SOX6: variants seen among roughly 807,000 people sequenced by gnomAD.
SOX6 encodes the protein transcription factor SOX-6.
A neutral mutation model predicts 97.8 loss-of-function variants in SOX6; 11 were observed. The ratio of observed to expected loss-of-function variants is 0.11; its 90% CI spans 0.07 to 0.19. The LOEUF (loss-of-function observed/expected upper bound fraction) is 0.19. Among genes scored for constraint, SOX6 ranks in the 10% least tolerant of loss-of-function variants. The pLI, the probability that SOX6 is intolerant of heterozygous loss-of-function variation, is 1.00. For synonymous variants in SOX6, 360 were observed against 371.4 expected (o/e 0.97, Z 0.35); for missense variants, 810 against 1,039.5 (o/e 0.78, Z 3.04).
At chr11:16,221,306 C>T (rs1403564828) in intron 4 of SOX6, among the ~76,000 whole-genome samples, 1 of 151,902 alleles carries the variant, frequency 6.6e-6, no homozygotes, top group Non-Finnish European at 1.5e-5. Context: ...TGTAATAAAA[C>T]AAGTAAATAA....
intron 4 of SOX6, among the ~76,000 whole-genome samples, chr11:16,566,071 A>G (rs564267717): frequency 2.8e-4 from 40 of 144,990 alleles, no homozygotes; most frequent in Non-Finnish European, 5.0e-4. Context: ...ACTCCAGCCT[A>G]GGTGACAGAG....
chr11:16,236,422 G>A (rs1853024626), intron 3 of SOX6, among the ~76,000 whole-genome samples: 1 of 151,910 alleles, frequency 6.6e-6, no homozygotes, highest in Admixed American at 6.6e-5. Flanking sequence ...CTCAAATCAG[G>A]TTTGAATTTC....
chr11:16,433,965 T>G (rs973494349), intron 1 of SOX6, among the ~76,000 whole-genome samples: 1 of 152,130 alleles, frequency 6.6e-6, no homozygotes, highest in African/African-American at 2.4e-5. Context: ...CCTTCAGGAT[T>G]TTAACCATAT....
chr11:16,077,134 A>G (rs1848374531), intron 9 of SOX6, among the ~76,000 whole-genome samples: 1 of 152,180 alleles, frequency 6.6e-6, no homozygotes, highest in African/African-American at 2.4e-5. Flanking sequence ...ATCCACCACT[A>G]TGATCAAATC....
intron 4 of SOX6, among the ~76,000 whole-genome samples, chr11:16,593,434 T>A (rs1373025739): frequency 6.6e-6 from 1 of 152,142 alleles, no homozygotes; most frequent in Non-Finnish European, 1.5e-5. Context: ...CTAGACTATG[T>A]CTTTGGCCTT....
chr11:16,153,804 T>G (rs1027022861), intron 6 of SOX6, among the ~76,000 whole-genome samples: 1 of 151,998 alleles, frequency 6.6e-6, no homozygotes, highest in African/African-American at 2.4e-5. Context: ...ACACTATTGA[T>G]AAAATACTGA....
intron 1 of SOX6, among the ~76,000 whole-genome samples, chr11:16,404,170 T>A (rs1858628822): frequency 6.6e-6 from 1 of 151,884 alleles, no homozygotes; most frequent in Non-Finnish European, 1.5e-5. Context: ...GGTGAGGGTC[T>A]GTTTGTTTTT....
At chr11:16,403,923 C>T (rs1187955560) in intron 1 of SOX6, among the ~76,000 whole-genome samples, 15 of 151,188 alleles carry the variant, frequency 9.9e-5, no homozygotes, top group African/African-American at 1.5e-4. Context: ...AACAAGAAAC[C>T]CAAAGGTTTC....
chr11:16,459,275 C>T (rs1460052084), intron 1 of SOX6, among the ~76,000 whole-genome samples: 2 of 151,988 alleles, frequency 1.3e-5, no homozygotes, highest in Non-Finnish European at 2.9e-5. Flanking sequence ...AGCTTAAAAG[C>T]AAGCACTGAA....
chr11:16,383,207 C>T lies in SOX6; in HGVS notation c.-4-41955G>A, dbSNP rs150793297. Among the ~76,000 whole-genome samples, 10 of 151,984 alleles carry T rather than the reference C, an allele frequency of 6.6e-5. No homozygotes were observed. The East Asian group carries it at 1.7e-3, about 26-fold the overall frequency. On this transcript the variant is annotated intron_variant, in intron 1 of 15. Coordinates refer to the SOX6 transcript ENST00000396356. ...ATTAATTCAGCATAAATATTGAGTT[C>T]CTTAGACTCTTCCACACTTATGTCA...
chr11:16,089,048 A>G (rs1178850421), intron 9 of SOX6, among the ~76,000 whole-genome samples: 8 of 152,260 alleles, frequency 5.3e-5, no homozygotes, highest in African/African-American at 1.4e-4. Context: ...GGTTACAGGT[A>G]TGGTAGCTGG....
At chr11:16,544,172 T>A (rs764992317) in intron 4 of SOX6, among the ~76,000 whole-genome samples, 1 of 152,172 alleles carries the variant, frequency 6.6e-6, no homozygotes, top group South Asian at 2.1e-4. Flanking sequence ...GGTAAATCCA[T>A]AGAAACAGAA....
chr11:16,684,269 GAC>G (rs998906595), intron 3 of SOX6, among the ~76,000 whole-genome samples: 3 of 152,156 alleles, frequency 2.0e-5, no homozygotes, highest in African/African-American at 4.8e-5. Context: ...CTACTATAAA[GAC>G]ACATGCACAA....
chr11:16,094,487 G>A (rs1455094934), intron 9 of SOX6, among the ~76,000 whole-genome samples: 1 of 151,920 alleles, frequency 6.6e-6, no homozygotes, highest in African/African-American at 2.4e-5. Flanking sequence ...AGTCCCACCA[G>A]GAGAGGAAAC....
At chr11:16,284,748 C>T (rs552965928) in intron 3 of SOX6, among the ~76,000 whole-genome samples, 8 of 152,216 alleles carry the variant, frequency 5.3e-5, no homozygotes, top group Admixed American at 5.2e-4. Flanking sequence ...TGTCAGTCTA[C>T]CCCTACGTCC....
At chr11:16,083,171 G>GA (rs1169589404) in intron 9 of SOX6, among the ~76,000 whole-genome samples, 9 of 152,220 alleles carry the variant, frequency 5.9e-5, no homozygotes, top group African/African-American at 2.2e-4. Context: ...TTCACTCGGG[G>GA]AACACATCTA....
At chr11:16,559,862 C>T (rs1380387570) in intron 4 of SOX6, among the ~76,000 whole-genome samples, 2 of 152,078 alleles carry the variant, frequency 1.3e-5, no homozygotes, top group Non-Finnish European at 2.9e-5. Context: ...CACTTTTGAA[C>T]CCCTGATTTT....
At chr11:16,520,880 C>G (rs1255635074) in intron 4 of SOX6, among the ~76,000 whole-genome samples, 4 of 152,222 alleles carry the variant, frequency 2.6e-5, no homozygotes, top group Non-Finnish European at 4.4e-5. Context: ...TGATTGCTAG[C>G]ACAGCAGTGT....
chr11:16,529,968 T>A (rs1861216928), intron 4 of SOX6, among the ~76,000 whole-genome samples: 1 of 152,010 alleles, frequency 6.6e-6, no homozygotes, highest in African/African-American at 2.4e-5. Flanking sequence ...AAATTTAAAT[T>A]AGCCAAAAGG....
Sources: allele counts gnomAD v4.1 joint callset (sites outside exome capture counted in the v4.1 genomes callset), GRCh38; gene constraint gnomAD v4.1.1; transcripts MANE v1.5; gene names NCBI Gene and HGNC (gene_info 2026-07-23, HGNC 2026-07-21).